Variants in SLC49A4 observed in about 807,000 individuals in gnomAD.
The protein encoded by SLC49A4 is solute carrier family 49 member 4, also known as disrupted in renal cancer protein 2.
Under a neutral mutation model 50.6 loss-of-function variants are expected in SLC49A4, and 36 were observed. The ratio of observed to expected loss-of-function variants is 0.71; its 90% CI spans 0.55 to 0.94. SLC49A4 has a LOEUF of 0.94. SLC49A4 is among the 40% of genes least tolerant of loss of function. The pLI, the probability that SLC49A4 is intolerant of heterozygous loss-of-function variation, is 0.00. For missense variants in SLC49A4, 503 were observed against 605.7 expected (o/e 0.83, Z 1.78); for synonymous variants, 248 against 241.2 (o/e 1.03, Z -0.26).
chr3:122,871,777 C>T (rs1937199694), intron 7 of SLC49A4, among the ~76,000 whole-genome samples: 1 of 152,072 alleles, frequency 6.6e-6, no homozygotes, highest in African/African-American at 2.4e-5. Flanking sequence ...TAGACTTTGC[C>T]ACAGAATAGT....
In SLC49A4 at chr3:122,846,978, CAG is replaced by C. The variant is rs1276273050; in HGVS notation, c.942+1114_942+1115del. 4.6e-5 allele frequency among the ~76,000 whole-genome samples: 7 copies of C among 152,270 alleles called. No homozygotes were observed. In the East Asian group the frequency reaches 1.4e-3, roughly 29 times the overall value. On this transcript the variant is annotated intron_variant, in intron 5 of 8. Transcript: ENST00000261038. ...AAGGGCAAAACTACTGGAGGCTTAA[CAG>C]AGAGAGTGGTATGGGTTGAAAGCAG...
rs114877582 is a variant in SLC49A4, at chr3:122,814,616, T to C, written c.437+7666T>C. Reference sequence around the variant, plus strand: ...TGAGCTGTGTAACAAACCAAAAATATTGAGGCTCAATAAGGTAGAAGTTCA... The same window carrying C: ...TGAGCTGTGTAACAAACCAAAAATACTGAGGCTCAATAAGGTAGAAGTTCA... On this transcript the variant is annotated intron_variant, in intron 2 of 8. Coordinates refer to ENST00000261038, the MANE Select transcript of SLC49A4 (RefSeq NM_032839.3). Among the ~76,000 whole-genome samples the C allele has an allele frequency of 8.1e-3, 1,230 of 152,300 alleles. 9 individuals carry two copies. Among genetic ancestry groups the C allele is most frequent in the African/African-American group, 0.026 (1,079 of 41,562 alleles).
intron 1 of SLC49A4, among the ~76,000 whole-genome samples, chr3:122,799,613 G>C (rs768084253): frequency 6.6e-6 from 1 of 152,106 alleles, no homozygotes; most frequent in African/African-American, 2.4e-5. Context: ...CTCCATTGAC[G>C]GGCTTTAAGT....
chr3:122,801,661 A>G (rs1936134962), intron 1 of SLC49A4, among the ~76,000 whole-genome samples: 1 of 152,232 alleles, frequency 6.6e-6, no homozygotes. Flanking sequence ...GAGTATAACC[A>G]AAAGCATGGA....
At chr3:122,852,854 C>T (rs1430499129) in intron 5 of SLC49A4, among the ~76,000 whole-genome samples, 5 of 152,284 alleles carry the variant, frequency 3.3e-5, no homozygotes, top group Admixed American at 6.5e-5. Context: ...AAAATTGTCT[C>T]CAAATACCGT....
intron 7 of SLC49A4, among the ~76,000 whole-genome samples, chr3:122,862,714 T>C (rs1937072407): frequency 6.6e-6 from 1 of 152,212 alleles, no homozygotes; most frequent in South Asian, 2.1e-4. Flanking sequence ...AAAGAACAGA[T>C]TTCTTTCCCT....
At position 122,825,594 on chromosome 3, in the gene SLC49A4, G is replaced by A. The variant is rs548313870; in HGVS notation, c.438-1206G>A. On this transcript the variant is annotated intron_variant, in intron 2 of 8. Transcript: ENST00000261038. The stretch of plus-strand genomic sequence containing the variant: ...CACGTGCCTGTTTATTTTTCTCTTC[G>A]GCATTCAGCAAACTTTTCTAACTGG... 7.3e-5 allele frequency among the ~76,000 whole-genome samples: 11 copies of A among 150,722 alleles called. No homozygotes were observed. The East Asian group carries it at 2.1e-3, about 29-fold the overall frequency.
chr3:122,872,325 A>G (rs1175169778), intron 7 of SLC49A4, 90 bp from the exon 8 acceptor site: 2 of 1,115,876 alleles, frequency 1.8e-6, no homozygotes, highest in Admixed American at 4.9e-5. Flanking sequence ...TTTTTGAGTC[A>G]ATACTTAGGA....
At chr3:122,804,138 G>C (rs149206529) in intron 1 of SLC49A4, among the ~76,000 whole-genome samples, 1 of 152,320 alleles carries the variant, frequency 6.6e-6, no homozygotes, top group Non-Finnish European at 1.5e-5. Context: ...ATCCAGGGAG[G>C]CCACAGGAAG....
At chr3:122,829,073 G>A (rs1936575405) in intron 3 of SLC49A4, among the ~76,000 whole-genome samples, 1 of 152,140 alleles carries the variant, frequency 6.6e-6, no homozygotes, top group African/African-American at 2.4e-5. Context: ...TACTAGAATT[G>A]TCATTTTAAA....
chr3:122,837,966 A>C (rs1389462904), intron 4 of SLC49A4, among the ~76,000 whole-genome samples: 1 of 152,016 alleles, frequency 6.6e-6, no homozygotes, highest in Admixed American at 6.6e-5. Flanking sequence ...AATGCTCATC[A>C]TCACTGGCCA....
intron 8 of SLC49A4, among the ~76,000 whole-genome samples, chr3:122,875,258 T>C (rs1937250958): frequency 6.6e-6 from 1 of 152,256 alleles, no homozygotes; most frequent in Non-Finnish European, 1.5e-5. Flanking sequence ...AGTGTTCATA[T>C]GTCATTATTC....
At position 122,814,420 on chromosome 3, in the gene SLC49A4, AAATAT is replaced by A. The variant is rs541065744; in HGVS notation, c.437+7475_437+7479del. ...GCAAACTGGGAGAAATATGTGTTGC[AAATAT>A]AATAGATAACTTATAAGTAACATGA... On this transcript the variant is annotated intron_variant, in intron 2 of 8. Transcript: ENST00000261038. 5.1e-4 allele frequency among the ~76,000 whole-genome samples: 78 copies of A among 152,366 alleles called. No individual in the cohort carries two copies. In the East Asian group the frequency reaches 0.013, roughly 26 times the overall value.
intron 4 of SLC49A4, among the ~76,000 whole-genome samples, chr3:122,842,743 T>G (rs2107572619): frequency 6.6e-6 from 1 of 152,300 alleles, no homozygotes; most frequent in Middle Eastern, 3.4e-3. Flanking sequence ...GTCAAACTCT[T>G]CATTCTGTTT....
At chr3:122,866,711 C>G (rs182279170) in intron 7 of SLC49A4, among the ~76,000 whole-genome samples, 4 of 152,122 alleles carry the variant, frequency 2.6e-5, no homozygotes, top group African/African-American at 4.8e-5. Context: ...AACCATCCCC[C>G]CCTGCCCCCG....
chr3:122,836,969 A>G (rs1576301215), intron 4 of SLC49A4, among the ~76,000 whole-genome samples: 1 of 152,210 alleles, frequency 6.6e-6, no homozygotes, highest in Admixed American at 6.5e-5. Context: ...CAATTGCTTC[A>G]AAGAGAATAA....
chr3:122,865,263 C>A (rs1937102883), intron 7 of SLC49A4, among the ~76,000 whole-genome samples: 1 of 152,090 alleles, frequency 6.6e-6, no homozygotes, highest in East Asian at 1.9e-4. Flanking sequence ...TAATGTTTAT[C>A]CATGGAGATT....
At chr3:122,800,521 G>T (rs921634954) in intron 1 of SLC49A4, among the ~76,000 whole-genome samples, 1 of 152,060 alleles carries the variant, frequency 6.6e-6, no homozygotes, top group African/African-American at 2.4e-5. Context: ...CTTTTTTTTG[G>T]TAAGAGATAT....
chr3:122,870,984 A>G (rs886098287), intron 7 of SLC49A4, among the ~76,000 whole-genome samples: 4 of 151,958 alleles, frequency 2.6e-5, no homozygotes, highest in Non-Finnish European at 4.4e-5. Flanking sequence ...ATCTACATCT[A>G]GCAAATATAT....
Sources: gnomAD v4.1 joint callset for allele counts (sites outside exome capture counted in the v4.1 genomes callset) on GRCh38, gnomAD v4.1.1 for gene constraint, MANE v1.5 for transcripts, NCBI Gene and HGNC (gene_info 2026-07-23, HGNC 2026-07-21) for gene names.